The following CYP19A1 variants were observed in gnomAD, a reference collection of about 807,000 sequenced individuals.
CYP19A1 encodes cytochrome P450 family 19 subfamily A member 1.
In CYP19A1, 32 loss-of-function variants were observed where a neutral mutation model predicts 44.4. The observed-to-expected ratio is 0.72, with a 90% CI of 0.54 to 0.97. The LOEUF is 0.97. Among genes scored for constraint, CYP19A1 ranks in the 50% least tolerant of loss-of-function variants. The pLI, the probability that CYP19A1 is intolerant of heterozygous loss-of-function variation, is 0.00. For missense variants in CYP19A1, 598 were observed against 637.8 expected, an observed-to-expected ratio of 0.94 and a Z score of 0.67; for synonymous variants, 212 against 215.6, an observed-to-expected ratio of 0.98 and a Z score of 0.14.
chr15:51,248,866 C>T (rs988714565), intron 1 of CYP19A1, among the ~76,000 whole-genome samples: 1 of 152,082 alleles, frequency 6.6e-6, no homozygotes, highest in Non-Finnish European at 1.5e-5. Context: ...ACTCAGCTTA[C>T]ATCACGTCAA....
intron 4 of CYP19A1, among the ~76,000 whole-genome samples, chr15:51,225,133 C>G (rs932263108): frequency 1.3e-5 from 2 of 152,150 alleles, no homozygotes; most frequent in African/African-American, 4.8e-5. Context: ...TGCTGGGCTG[C>G]CCCTTCCTAA....
At chr15:51,325,409 C>G (rs140281685) in intron 1 of CYP19A1, among the ~76,000 whole-genome samples, 21 of 152,302 alleles carry the variant, frequency 1.4e-4, no homozygotes, top group Non-Finnish European at 2.1e-4. Context: ...TTTTTCTGCT[C>G]TAGCCTCTTG....
chr15:51,218,240 C>A (rs542936651), intron 6 of CYP19A1, among the ~76,000 whole-genome samples: 1 of 152,116 alleles, frequency 6.6e-6, no homozygotes, highest in Admixed American at 6.5e-5. Flanking sequence ...CAGGATCAGT[C>A]GACCCTTCTC....
chr15:51,264,382 G>A (rs1183714110), intron 1 of CYP19A1, among the ~76,000 whole-genome samples: 1 of 152,164 alleles, frequency 6.6e-6, no homozygotes, highest in Non-Finnish European at 1.5e-5. Context: ...AGGAGTCGGG[G>A]GGGAGGGTAA....
intron 4 of CYP19A1, among the ~76,000 whole-genome samples, chr15:51,223,952 A>G (rs561750967): frequency 1.3e-5 from 2 of 152,296 alleles, no homozygotes; most frequent in South Asian, 4.1e-4. Flanking sequence ...TTGAAGCCAC[A>G]TGCCAAATTT....
chr15:51,231,599 G>A (rs898294027), intron 3 of CYP19A1, among the ~76,000 whole-genome samples: 1 of 151,556 alleles, frequency 6.6e-6, no homozygotes, highest in African/African-American at 2.4e-5. Flanking sequence ...GAAGTGGGCT[G>A]GGAAAAAAAG....
At chr15:51,258,338 G>A (rs898486604) in intron 1 of CYP19A1, among the ~76,000 whole-genome samples, 4 of 152,146 alleles carry the variant, frequency 2.6e-5, no homozygotes, top group Non-Finnish European at 5.9e-5. Context: ...CCAGCCTGCC[G>A]ACACCTCTCC....
chr15:51,293,017 G>A (rs1420049733), intron 1 of CYP19A1, among the ~76,000 whole-genome samples: 1 of 151,902 alleles, frequency 6.6e-6, no homozygotes, highest in African/African-American at 2.4e-5. Flanking sequence ...ACTAAATAAA[G>A]CAGGGGGAAG....
intron 1 of CYP19A1, chr15:51,277,026 A>G (rs930801284): frequency 4.0e-4 from 61 of 152,052 alleles, no homozygotes; most frequent in African/African-American, 1.4e-3. Flanking sequence ...AAAAAAAAAG[A>G]GAGAGAGAGA....
chr15:51,314,443 G>A (rs1031674486), intron 1 of CYP19A1, among the ~76,000 whole-genome samples: 9 of 152,116 alleles, frequency 5.9e-5, no homozygotes, highest in Non-Finnish European at 1.0e-4. Flanking sequence ...TAGGTGGCCC[G>A]GGGGTCCATG....
At chr15:51,260,877 A>G (rs775076246) in intron 1 of CYP19A1, among the ~76,000 whole-genome samples, 2 of 152,154 alleles carry the variant, frequency 1.3e-5, no homozygotes, top group East Asian at 1.9e-4. Flanking sequence ...CTCTCCTTGT[A>G]TGGGAGCCCT....
At position 51,303,327 on chromosome 15, in the gene CYP19A1, A is replaced by G. The variant is rs28430977; in HGVS notation, c.-39+35168T>C. 6.7e-3 allele frequency among the ~76,000 whole-genome samples: 1,022 copies of G among 152,218 alleles called. 11 individuals are homozygous for G. Among genetic ancestry groups the G allele is most frequent in the African/African-American group, 0.024 (978 of 41,534 alleles). ...GAGAGCTAGTTCTTGACACCCTTCC[A>G]ATCATAGCCCCTTAGTACTCTGAAC... On this transcript the variant is annotated intron_variant, in intron 1 of 9. Transcript: ENST00000396402.
chr15:51,283,920 G>A lies in CYP19A1; in HGVS notation c.-38-40970C>T, dbSNP rs114815644. ...TTTGCAGCACAATTACCATCTCCCT[G>A]TTTCCTGGGGAGCTGCCAAAAAAGG... On this transcript the variant is annotated intron_variant, in intron 1 of 9. Transcript: ENST00000396402. Among the ~76,000 whole-genome samples the A allele has an allele frequency of 5.5e-3, 834 of 152,276 alleles. 11 individuals are homozygous for A. Among genetic ancestry groups the A allele is most frequent in the African/African-American group, 0.019 (803 of 41,550 alleles).
intron 1 of CYP19A1, among the ~76,000 whole-genome samples, chr15:51,266,744 G>A (rs1398693336): frequency 6.6e-6 from 1 of 152,196 alleles, no homozygotes; most frequent in Non-Finnish European, 1.5e-5. Flanking sequence ...ACAAATCACG[G>A]AGGTCCCCTA....
intron 1 of CYP19A1, among the ~76,000 whole-genome samples, chr15:51,317,740 A>G (rs1454466063): frequency 6.6e-6 from 1 of 152,210 alleles, no homozygotes; most frequent in East Asian, 1.9e-4. Flanking sequence ...ATGAGGCTGG[A>G]GTTCATCCTG....
chr15:51,307,473 C>T (rs1389303968), intron 1 of CYP19A1, among the ~76,000 whole-genome samples: 1 of 152,176 alleles, frequency 6.6e-6, no homozygotes, highest in African/African-American at 2.4e-5. Flanking sequence ...ACAGAATTAG[C>T]TCATGACTAA....
chr15:51,245,180 C>T (rs1279871582), intron 1 of CYP19A1, among the ~76,000 whole-genome samples: 1 of 152,082 alleles, frequency 6.6e-6, no homozygotes, highest in Non-Finnish European at 1.5e-5. Flanking sequence ...TTTTACAGCC[C>T]CATACTGCCA....
chr15:51,264,173 G>T (rs1344739284), intron 1 of CYP19A1, among the ~76,000 whole-genome samples: 1 of 152,334 alleles, frequency 6.6e-6, no homozygotes, highest in African/African-American at 2.4e-5. Flanking sequence ...GAGCAAGGGA[G>T]CTGGAGGGTG....
chr15:51,246,604 G>A lies in CYP19A1; in HGVS notation c.-38-3654C>T, dbSNP rs1428155092. ...ACCTCTGGGGACACAGCAGAGCCCA[G>A]GTGTCCTGATGACCTGGGGGTCTGA... On this transcript the variant is annotated intron_variant, in intron 1 of 9. Coordinates refer to ENST00000396402, the MANE Select transcript of CYP19A1 (RefSeq NM_000103.4). Among the ~76,000 whole-genome samples the A allele has an allele frequency of 2.6e-5, 4 of 152,106 alleles. No individual in the cohort carries two copies. The East Asian group carries it at 7.7e-4, about 29-fold the overall frequency.
Sources: gnomAD v4.1 joint callset for allele counts (sites outside exome capture counted in the v4.1 genomes callset) on GRCh38, gnomAD v4.1.1 for gene constraint, MANE v1.5 for transcripts, NCBI Gene and HGNC (gene_info 2026-07-23, HGNC 2026-07-21) for gene names.